Variants in IL6ST observed in about 807,000 individuals in gnomAD.
IL6ST encodes interleukin-6 receptor subunit beta.
Under a neutral mutation model 91.3 loss-of-function variants are expected in IL6ST, and 24 were observed. That is an observed-to-expected ratio of 0.26 (90% confidence interval 0.19 to 0.37). IL6ST has a LOEUF of 0.37. Ranked by LOEUF, IL6ST falls within the 10% of genes least tolerant of loss-of-function variation. The probability of loss-of-function intolerance (pLI) is 1.00; values close to 1 mark genes in which losing one functional copy is unlikely to be tolerated. For missense variants in IL6ST, 914 were observed against 1,078.5 expected (o/e 0.85, Z 2.14); for synonymous variants, 351 against 373.6 (o/e 0.94, Z 0.70).
At chr5:55,949,849 C>A (rs1357329921) in intron 14 of IL6ST, among the ~76,000 whole-genome samples, 4 of 151,996 alleles carry the variant, frequency 2.6e-5, no homozygotes, top group Non-Finnish European at 4.4e-5. Context: ...TAGGCTGGCA[C>A]TTGGGGGTGG....
In IL6ST at chr5:55,938,213, C is replaced by A. The variant is rs1750656465; in HGVS notation, c.*2869G>T. The stretch of plus-strand genomic sequence containing the variant: ...TAAAATCCCTTATCAAGGAATAAGG[C>A]TGAAATTTAAATGAACAATTAGGTA... On this transcript the variant is annotated 3_prime_UTR_variant, in exon 17 of 17. Coordinates refer to ENST00000381298, the MANE Select transcript of IL6ST (RefSeq NM_002184.4). 1 of 192,510 alleles carries A rather than the reference C, an allele frequency of 5.2e-6. No homozygotes were observed. The highest frequency in any genetic ancestry group is 8.2e-5 in the East Asian group (1 of 12,158). The allele number at this position is 192,510 out of a possible 1,614,324, so 11.9% of individuals were successfully genotyped here.
At chr5:55,993,364 A>G (rs1008038595) in intron 1 of IL6ST, among the ~76,000 whole-genome samples, 4 of 152,250 alleles carry the variant, frequency 2.6e-5, no homozygotes, top group Non-Finnish European at 5.9e-5. Context: ...GGACATTTTA[A>G]CACCTACTTC....
chr5:55,983,807 T>C (rs1753798277), intron 1 of IL6ST, among the ~76,000 whole-genome samples: 1 of 152,190 alleles, frequency 6.6e-6, no homozygotes, highest in African/African-American at 2.4e-5. Flanking sequence ...TTACATTGTA[T>C]AAATATACAC....
intron 1 of IL6ST, among the ~76,000 whole-genome samples, chr5:55,994,380 T>C (rs1201827251): frequency 6.6e-6 from 1 of 152,062 alleles, no homozygotes. Flanking sequence ...AAAAACGGCT[T>C]TGGGGAAGGG....
At chr5:55,966,022 C>T (rs1257872817) in intron 5 of IL6ST, among the ~76,000 whole-genome samples, 1 of 152,038 alleles carries the variant, frequency 6.6e-6, no homozygotes, top group Non-Finnish European at 1.5e-5. Flanking sequence ...AATATTAAAC[C>T]TATCTTGCTT....
At chr5:55,964,398 G>A (rs576587085) in intron 5 of IL6ST, 86 bp from the exon 6 acceptor site, 5 of 891,826 alleles carry the variant, frequency 5.6e-6, no homozygotes, top group East Asian at 5.6e-5. Context: ...AGAGTTTGAT[G>A]AGACCTAGAT....
Position 55,941,233 on chromosome 5 carries a change from T to C in IL6ST, c.2606A>G (p.Gln869Arg). The change falls in exon 17 of 17, where the codon CAG (glutamine) becomes CGG (arginine). Residue 869 changes from glutamine (Q) to arginine (R), a missense_variant. Coordinates refer to ENST00000381298, the MANE Select transcript of IL6ST (RefSeq NM_002184.4). ...SCGSGQMKMF[Q>R]EVSAADAFGP... ...AAAAGCATCTGCTGCAGAAACTTCC[T>C]GAAACATTTTCATTTGCCCAGATCC... The C allele has an allele frequency of 1.2e-6, 2 of 1,614,210 alleles. No individual in the cohort carries two copies. Among genetic ancestry groups the C allele is most frequent in the Non-Finnish European group, 1.7e-6 (2 of 1,180,016 alleles).
At chr5:55,950,993 A>G (rs1312903616) in intron 14 of IL6ST, among the ~76,000 whole-genome samples, 1 of 151,950 alleles carries the variant, frequency 6.6e-6, no homozygotes, top group Non-Finnish European at 1.5e-5. Context: ...ACTAAAAAGC[A>G]TGCAGTACAT....
chr5:55,990,414 T>A, intron 1 of IL6ST, among the ~76,000 whole-genome samples: 1 of 152,254 alleles, frequency 6.6e-6, no homozygotes, highest in Non-Finnish European at 1.5e-5. Context: ...TGTAACCAGA[T>A]AATGTAGTTG....
At position 55,951,474 on chromosome 5, in the gene IL6ST, G is replaced by A. The variant is rs774407981; in HGVS notation, c.1830C>T (p.Thr610=). The A allele has an allele frequency of 5.0e-6, 8 of 1,610,248 alleles. No homozygotes were observed. In the South Asian group the frequency reaches 8.9e-5, roughly 18 times the overall value. ...TTCATTATTTCTTACCAAACTTTGG[G>A]GTAGTAAAAGTGAATTCTGGACCAT... is the stretch of plus-strand genomic sequence containing the variant. ...GKDGPEFTFT[T]PKFAQGEIEA... Residue 610 remains threonine (T), a synonymous_variant, in exon 14 of 17, where the codon ACC becomes ACT. Transcript: ENST00000381298.
At position 55,976,253 on chromosome 5, in the gene IL6ST, A is replaced by C; in HGVS notation, c.26T>G (p.Val9Gly). 3 of 1,589,942 alleles carry C rather than the reference A, an allele frequency of 1.9e-6. No individual in the cohort carries two copies. The highest frequency in any genetic ancestry group is 2.6e-6 in the Non-Finnish European group (3 of 1,167,772). MLTLQTWL[V>G]QALFIFLTTE... is the part of the protein sequence containing the mutation. ...GGTGAGGAAAATAAACAAGGCTTGC[A>C]CTAGCCAAGTCTGCAACGTCAACAT... The change falls in exon 3 of 17, where the codon GTG becomes GGG. Residue 9 changes from valine to glycine, a missense_variant. Val to Gly is a moderately radical substitution (Grantham distance 109). Transcript: ENST00000381298.
chr5:55,954,900 T>C lies in IL6ST; in HGVS notation c.1360A>G (p.Ile454Val), dbSNP rs1751864088. ...TTPRESVKKYILEWCVLSDKA... is the reference protein window; with the variant it reads ...TTPRESVKKYVLEWCVLSDKA... ...TCTGATAACACACACCACTCAAGTA[T>C]ATATTTCTTTACAGATTCCCTTGGA... The change falls in exon 11 of 17, where the codon ATA becomes GTA. Residue 454 changes from isoleucine to valine, a missense_variant. Ile to Val is a conservative substitution (Grantham distance 29). Transcript: ENST00000381298. 6.2e-7 allele frequency: 1 copy of C among 1,613,062 alleles called. No individual in the cohort carries two copies.
At chr5:55,948,767 A>C (rs1751436381) in intron 14 of IL6ST, 1 of 152,168 alleles carries the variant, frequency 6.6e-6, no homozygotes, top group African/African-American at 2.4e-5. Context: ...TTGTCCACAT[A>C]CTAACTCAAG....
At chr5:55,979,670 T>C (rs1040743633) in intron 2 of IL6ST, among the ~76,000 whole-genome samples, 4 of 152,214 alleles carry the variant, frequency 2.6e-5, no homozygotes, top group African/African-American at 9.6e-5. Context: ...TTGTTGTTTG[T>C]AAATTAGACC....
intron 15 of IL6ST, among the ~76,000 whole-genome samples, chr5:55,946,793 G>C (rs572800626): frequency 6.6e-6 from 1 of 151,188 alleles, no homozygotes; most frequent in African/African-American, 2.4e-5. Flanking sequence ...CTCCAGTAAG[G>C]GAACAGAGTG....
At chr5:55,987,069 G>T (rs998682296) in intron 1 of IL6ST, among the ~76,000 whole-genome samples, 3 of 152,232 alleles carry the variant, frequency 2.0e-5, no homozygotes, top group Non-Finnish European at 2.9e-5. Context: ...GGAGGCTGAG[G>T]TGAGAGGACT....
rs70995749 is a variant in IL6ST, at chr5:55,945,648, C to CTTTTTTTTT, written c.1937+1836_1937+1844dup. On this transcript the variant is annotated intron_variant, in intron 15 of 16. Transcript: ENST00000381298. ...ACTTCATCAAAATAAAAAACTTATG[C>CTTTTTTTTT]TTTTTTTTTTTTTTTTTTTTTTTTT... Among the ~76,000 whole-genome samples the CTTTTTTTTT allele has an allele frequency of 2.6e-4, 11 of 41,680 alleles. 3 individuals carry two copies. The highest frequency in any genetic ancestry group is 9.4e-4 in the Admixed American group (2 of 2,130). The allele number at this position is 41,680 out of a possible 152,430, so 27.3% of individuals were successfully genotyped here.
At chr5:55,950,345 C>A in intron 14 of IL6ST, 1 of 336,050 alleles carries the variant, frequency 3.0e-6, no homozygotes, top group South Asian at 2.3e-5. Flanking sequence ...GAGACCATCC[C>A]AGCCAACATG....
intron 2 of IL6ST, among the ~76,000 whole-genome samples, chr5:55,980,091 A>T (rs1753561084): frequency 6.6e-6 from 1 of 152,206 alleles, no homozygotes; most frequent in Non-Finnish European, 1.5e-5. Flanking sequence ...GTTTTTTTAT[A>T]TATGCACAGT....
Sources: allele counts gnomAD v4.1 joint callset (sites outside exome capture counted in the v4.1 genomes callset), GRCh38; gene constraint gnomAD v4.1.1; transcripts MANE v1.5; gene names NCBI Gene and HGNC (gene_info 2026-07-23, HGNC 2026-07-21).